Variants in DACH1 observed in about 807,000 individuals in gnomAD.
DACH1 encodes the protein dachshund family transcription factor 1.
DACH1 carries 12 observed loss-of-function variants against 54.2 expected under a neutral mutation model. That is an observed-to-expected ratio of 0.22 (90% confidence interval 0.14 to 0.36). The LOEUF (loss-of-function observed/expected upper bound fraction) is 0.36. Ranked by LOEUF, DACH1 falls within the 10% of genes least tolerant of loss-of-function variation. The pLI is 1.00. For missense variants in DACH1, 805 were observed against 929.8 expected (o/e 0.87, Z 1.75); for synonymous variants, 386 against 366.2 (o/e 1.05, Z -0.62).
chr13:71,705,923 T>C (rs1196238254), intron 1 of DACH1, among the ~76,000 whole-genome samples: 2 of 152,130 alleles, frequency 1.3e-5, no homozygotes, highest in East Asian at 3.9e-4. Flanking sequence ...GTTCAACAAC[T>C]AACCTTCAAT....
chr13:71,638,370 C>T (rs1056783935), intron 2 of DACH1, among the ~76,000 whole-genome samples: 10 of 152,140 alleles, frequency 6.6e-5, no homozygotes, highest in African/African-American at 2.2e-4. Flanking sequence ...GGCATTAATA[C>T]GCAGTCCTGG....
chr13:71,665,482 T>A (rs1879771533), intron 2 of DACH1, among the ~76,000 whole-genome samples: 1 of 152,018 alleles, frequency 6.6e-6, no homozygotes, highest in Admixed American at 6.5e-5. Flanking sequence ...AAAACAGTTC[T>A]TAAGCTTTCC....
intron 4 of DACH1, among the ~76,000 whole-genome samples, chr13:71,565,110 C>T (rs1020571355): frequency 1.3e-5 from 2 of 151,950 alleles, no homozygotes; most frequent in African/African-American, 4.8e-5. Context: ...TTAGCTGAGA[C>T]GGGGTTTCAG....
intron 1 of DACH1, among the ~76,000 whole-genome samples, chr13:71,788,200 T>C (rs1372957603): frequency 6.6e-6 from 1 of 152,072 alleles, no homozygotes; most frequent in African/African-American, 2.4e-5. Flanking sequence ...AGACGTCAGG[T>C]CTTAGAATCC....
intron 6 of DACH1, among the ~76,000 whole-genome samples, chr13:71,500,612 C>T (rs545774198): frequency 6.6e-6 from 1 of 152,156 alleles, no homozygotes; most frequent in Admixed American, 6.5e-5. Context: ...GAAACAAGCC[C>T]AATAACTGAT....
At chr13:71,740,041 ATTAT>A (rs1371222475) in intron 1 of DACH1, among the ~76,000 whole-genome samples, 1 of 152,220 alleles carries the variant, frequency 6.6e-6, no homozygotes, top group Non-Finnish European at 1.5e-5. Flanking sequence ...TGAAATCATA[ATTAT>A]ATCAACTTGT....
chr13:71,732,283 T>C (rs1883784765), intron 1 of DACH1, among the ~76,000 whole-genome samples: 1 of 152,018 alleles, frequency 6.6e-6, no homozygotes, highest in Non-Finnish European at 1.5e-5. Context: ...CTCTCCTTTT[T>C]GCCTAAAAAT....
At chr13:71,472,149 A>C (rs1039169925) in intron 10 of DACH1, among the ~76,000 whole-genome samples, 4 of 152,232 alleles carry the variant, frequency 2.6e-5, no homozygotes, top group African/African-American at 7.2e-5. Context: ...AAAATTTTTG[A>C]ATGTCTGTTC....
chr13:71,826,248 A>C (rs1888375512), intron 1 of DACH1, among the ~76,000 whole-genome samples: 1 of 152,090 alleles, frequency 6.6e-6, no homozygotes, highest in Non-Finnish European at 1.5e-5. Context: ...TATTTTGATA[A>C]GCACTGAATT....
intron 3 of DACH1, among the ~76,000 whole-genome samples, chr13:71,602,662 T>C (rs562139860): frequency 6.6e-6 from 1 of 151,762 alleles, no homozygotes; most frequent in Non-Finnish European, 1.5e-5. Context: ...CTGAGCAGAG[T>C]CGTCAAAAAC....
At chr13:71,723,404 A>T (rs1163009470) in intron 1 of DACH1, among the ~76,000 whole-genome samples, 5 of 152,176 alleles carry the variant, frequency 3.3e-5, no homozygotes, top group African/African-American at 1.2e-4. Context: ...GTAGAGTGAG[A>T]TCCTATCTAA....
intron 10 of DACH1, among the ~76,000 whole-genome samples, chr13:71,444,945 TC>T (rs2138101598): frequency 6.6e-6 from 1 of 152,172 alleles, no homozygotes; most frequent in Admixed American, 6.6e-5. Context: ...TCTCCCTACT[TC>T]CCCTTCTGCT....
At chr13:71,617,699 T>C (rs1875886232) in intron 3 of DACH1, among the ~76,000 whole-genome samples, 1 of 152,200 alleles carries the variant, frequency 6.6e-6, no homozygotes, top group Non-Finnish European at 1.5e-5. Context: ...AAACACCACA[T>C]TACAAAATTA....
In DACH1 at chr13:71,498,046, G is replaced by GA. The variant is rs199923024; in HGVS notation, c.1571-8899dup. Among the ~76,000 whole-genome samples, 239 of 150,842 alleles carry GA rather than the reference G, an allele frequency of 1.6e-3. 1 individual carries two copies. The highest frequency in any genetic ancestry group is 5.3e-3 in the African/African-American group (219 of 41,192). On this transcript the variant is annotated intron_variant, in intron 6 of 10. Transcript: ENST00000613252. ...GAATTTTGAGTTTGAGTGAATAAAA[G>GA]AAAAAAAAATATATGGGAATGAAAT...
intron 1 of DACH1, among the ~76,000 whole-genome samples, chr13:71,864,162 T>G (rs1053406940): frequency 2.4e-5 from 3 of 123,568 alleles, no homozygotes; most frequent in African/African-American, 1.0e-4. Flanking sequence ...TCCATACTTT[T>G]GAGCGCGCGC....
intron 1 of DACH1, among the ~76,000 whole-genome samples, chr13:71,844,442 G>A (rs1184234482): frequency 6.6e-6 from 1 of 152,166 alleles, no homozygotes; most frequent in Non-Finnish European, 1.5e-5. Context: ...TACAGTTGAT[G>A]TAATTCAACA....
At chr13:71,646,637 A>G (rs533290638) in intron 2 of DACH1, among the ~76,000 whole-genome samples, 1 of 152,344 alleles carries the variant, frequency 6.6e-6, no homozygotes, top group South Asian at 2.1e-4. Context: ...AAAAACTTCA[A>G]TTTGTTCAAA....
At chr13:71,792,189 C>T (rs142145708) in intron 1 of DACH1, among the ~76,000 whole-genome samples, 15 of 152,120 alleles carry the variant, frequency 9.9e-5, no homozygotes, top group South Asian at 2.1e-4. Context: ...CTAACTTTTC[C>T]GCCCAGTAAA....
chr13:71,742,854 C>T (rs893239820), intron 1 of DACH1, among the ~76,000 whole-genome samples: 7 of 152,024 alleles, frequency 4.6e-5, no homozygotes, highest in Admixed American at 3.3e-4. Flanking sequence ...TCTCTTGTTC[C>T]TACTCAGCAT....
Sources: allele counts gnomAD v4.1 joint callset (sites outside exome capture counted in the v4.1 genomes callset), GRCh38; gene constraint gnomAD v4.1.1; transcripts MANE v1.5; gene names NCBI Gene and HGNC (gene_info 2026-07-23, HGNC 2026-07-21).